The following FLRT1 variants were observed in gnomAD, a reference collection of about 807,000 sequenced individuals.
FLRT1 encodes leucine-rich repeat transmembrane protein FLRT1.
In FLRT1, 14 loss-of-function variants were observed where a neutral mutation model predicts 30.9. That is an observed-to-expected ratio of 0.45 (90% confidence interval 0.30 to 0.71). FLRT1 has a LOEUF of 0.71. Ranked by LOEUF, FLRT1 falls within the 30% of genes least tolerant of loss-of-function variation. FLRT1 has a pLI of 0.08. For synonymous variants in FLRT1, 368 were observed against 430.4 expected, an observed-to-expected ratio of 0.85 and a Z score of 1.80; for missense variants, 737 against 949.2, an observed-to-expected ratio of 0.78 and a Z score of 2.94.
intron 1 of FLRT1, among the ~76,000 whole-genome samples, chr11:64,039,075 G>A (rs968307542): frequency 6.6e-6 from 1 of 152,182 alleles, no homozygotes; most frequent in African/African-American, 2.4e-5. Context: ...GAGGACTGAG[G>A]TGGCCCTCAT....
chr11:64,087,064 G>A (rs1215680657), intron 1 of FLRT1: 1 of 152,202 alleles, frequency 6.6e-6, no homozygotes, highest in Non-Finnish European at 1.5e-5. Context: ...GGATGTGTTT[G>A]TCCTCCCACA....
chr11:64,077,428 T>C (rs557844342), intron 1 of FLRT1, among the ~76,000 whole-genome samples: 1 of 152,148 alleles, frequency 6.6e-6, no homozygotes, highest in African/African-American at 2.4e-5. Context: ...TCCTCGGATT[T>C]TCCCCCCAAG....
chr11:64,066,718 G>A (rs1225648395), intron 1 of FLRT1, among the ~76,000 whole-genome samples: 1 of 151,710 alleles, frequency 6.6e-6, no homozygotes, highest in Non-Finnish European at 1.5e-5. Context: ...AATACGATGA[G>A]AGCCCCCAGG....
At chr11:64,106,288 C>A (rs1381433151) in intron 2 of FLRT1, among the ~76,000 whole-genome samples, 1 of 152,120 alleles carries the variant, frequency 6.6e-6, no homozygotes, top group East Asian at 1.9e-4. Flanking sequence ...CACCCTGGGT[C>A]ACCATGACGT....
At position 64,067,719 on chromosome 11, in the gene FLRT1, C is replaced by G. The variant is rs1261813627; in HGVS notation, c.-1038+31560C>G. On this transcript the variant is annotated intron_variant, in intron 1 of 2. Coordinates refer to ENST00000682287, the MANE Select transcript of FLRT1 (RefSeq NM_013280.5). The surrounding 1 kb of genome is among the most constrained non-coding windows in gnomAD (Gnocchi z 4.6). The stretch of plus-strand genomic sequence containing the variant: ...CTGCAGTGATTGCGGACACGCCCCT[C>G]GCGAGGCACCGCAGGCTGCCACCCC... Among the ~76,000 whole-genome samples, 1 of 152,176 alleles carries G rather than the reference C, an allele frequency of 6.6e-6. No individual in the cohort carries two copies. The highest frequency in any genetic ancestry group is 1.5e-5 in the Non-Finnish European group (1 of 68,032).
At chr11:64,098,959 G>C (rs1944624544) in intron 1 of FLRT1, among the ~76,000 whole-genome samples, 1 of 152,192 alleles carries the variant, frequency 6.6e-6, no homozygotes, top group Admixed American at 6.5e-5. Context: ...TGCTAATATA[G>C]GAATTAATAT....
intron 1 of FLRT1, among the ~76,000 whole-genome samples, chr11:64,051,014 G>A (rs1341662118): frequency 6.6e-6 from 1 of 152,208 alleles, no homozygotes; most frequent in Non-Finnish European, 1.5e-5. Context: ...GACCAGCCTT[G>A]CCCAGGGGGA....
chr11:64,049,966 C>T (rs1228855597), intron 1 of FLRT1, among the ~76,000 whole-genome samples: 2 of 152,216 alleles, frequency 1.3e-5, no homozygotes, highest in Non-Finnish European at 2.9e-5. Flanking sequence ...GCCTAGCGAT[C>T]GCACAGAGCC....
In FLRT1 at chr11:64,036,098, T is replaced by G. The variant is rs966517313; in HGVS notation, c.-1099T>G. 1.6e-4 allele frequency: 24 copies of G among 151,562 alleles called. No homozygotes were observed. Among genetic ancestry groups the G allele is most frequent in the Middle Eastern group, 3.2e-3 (1 of 314 alleles). The allele number at this position is 151,562 out of a possible 1,614,324, so 9.4% of individuals were successfully genotyped here. A position where few individuals can be genotyped will look rare whatever the true frequency, so the allele number is the denominator to read the frequency against. On this transcript the variant is annotated 5_prime_UTR_variant, in exon 1 of 3. The change abolishes the stop of an existing upstream ORF in the 5' untranslated region. Coordinates refer to ENST00000682287, the MANE Select transcript of FLRT1 (RefSeq NM_013280.5). This position sits in a 1 kb window ranked among gnomAD's most constrained non-coding sequence, Gnocchi z 5.6. The stretch of plus-strand genomic sequence containing the variant: ...CCCGCCCGCTCCTTGGAATAACCCC[T>G]GAGGCTCCAGCCGTCACCGCAAAGT...
In FLRT1 at chr11:64,103,829, C is replaced by T. The variant is rs1944712502; in HGVS notation, c.-402C>T. 1 of 152,236 alleles carries T rather than the reference C, an allele frequency of 6.6e-6. No individual in the cohort carries two copies. The highest frequency in any genetic ancestry group is 1.5e-5 in the Non-Finnish European group (1 of 68,056). The allele number at this position is 152,236 out of a possible 1,614,324, so 9.4% of individuals were successfully genotyped here. On this transcript the variant is annotated 5_prime_UTR_variant, in exon 2 of 3. Coordinates refer to ENST00000682287, the MANE Select transcript of FLRT1 (RefSeq NM_013280.5). The stretch of plus-strand genomic sequence containing the variant: ...GGGTCCAGAGGGGTGTCCCTGTACC[C>T]CTTGCACACAGGACCCTCACTCTGC...
In FLRT1 at chr11:64,092,216, ACGT is replaced by A. The variant is rs773485278; in HGVS notation, c.-1037-10976_-1037-10974del. ...AGAGGGCTCTAATTCCTACCCACTAACGTCTCCCCTGTTCTTGTCTTTCTGTCT... is the reference window on the plus strand; with the variant it reads ...AGAGGGCTCTAATTCCTACCCACTAACTCCCCTGTTCTTGTCTTTCTGTCT... On this transcript the variant is annotated intron_variant, in intron 1 of 2. Coordinates refer to ENST00000682287, the MANE Select transcript of FLRT1 (RefSeq NM_013280.5). Among the ~76,000 whole-genome samples, 239 of 152,238 alleles carry A rather than the reference ACGT, an allele frequency of 1.6e-3. 4 individuals are homozygous for A. The highest frequency in any genetic ancestry group is 3.5e-4 in the Non-Finnish European group (24 of 68,048).
At chr11:64,086,025 G>C (rs567574636) in intron 1 of FLRT1, among the ~76,000 whole-genome samples, 1 of 152,116 alleles carries the variant, frequency 6.6e-6, no homozygotes, top group South Asian at 2.1e-4. Context: ...GGGTGGGGGT[G>C]GAGGTGGCCA....
intron 1 of FLRT1, among the ~76,000 whole-genome samples, chr11:64,046,180 T>A (rs1406053170): frequency 3.3e-5 from 5 of 152,190 alleles, no homozygotes; most frequent in Non-Finnish European, 7.3e-5. Flanking sequence ...TCTGGCCTCC[T>A]GAGCCTCTGT....
chr11:64,043,814 CT>C (rs113497225), intron 1 of FLRT1, among the ~76,000 whole-genome samples: 217 of 144,290 alleles, frequency 1.5e-3, no homozygotes, highest in Middle Eastern at 7.2e-3. Flanking sequence ...GACATGGCAT[CT>C]TTTTTTTTTT....
intron 1 of FLRT1, among the ~76,000 whole-genome samples, chr11:64,099,594 G>A (rs947006209): frequency 2.0e-5 from 3 of 151,742 alleles, no homozygotes; most frequent in African/African-American, 7.3e-5. Flanking sequence ...ATGGAGAGAC[G>A]GATGGAAGGA....
intron 1 of FLRT1, among the ~76,000 whole-genome samples, chr11:64,074,542 G>A (rs1386928517): frequency 1.3e-5 from 2 of 152,208 alleles, no homozygotes; most frequent in East Asian, 1.9e-4. Flanking sequence ...AGCAAATAAC[G>A]TGTGGAGAAG....
chr11:64,040,859 G>A, intron 1 of FLRT1, among the ~76,000 whole-genome samples: 1 of 152,088 alleles, frequency 6.6e-6, no homozygotes, highest in East Asian at 1.9e-4. Context: ...CTAGCCACTA[G>A]GGGACACTGC....
Position 64,083,796 on chromosome 11 carries a change from G to T in FLRT1, c.-1037-19398G>T, listed in dbSNP as rs367876891. ...CAGCCCCAAATTCCCAAGGTCAAGG[G>T]GTGAGTCAGCAGGGGTTGGCATCAA... On this transcript the variant is annotated intron_variant, in intron 1 of 2. Transcript: ENST00000682287. Among the ~76,000 whole-genome samples the T allele has an allele frequency of 4.6e-5, 7 of 152,310 alleles. No individual in the cohort carries two copies. The East Asian group carries it at 1.4e-3, about 29-fold the overall frequency.
At chr11:64,113,648 T>C (rs570740631) in intron 2 of FLRT1, among the ~76,000 whole-genome samples, 1 of 108,556 alleles carries the variant, frequency 9.2e-6, no homozygotes, top group Non-Finnish European at 1.9e-5. Context: ...GATGGATGGA[T>C]GGGCAGACAG....
Sources: gnomAD v4.1 joint callset for allele counts (sites outside exome capture counted in the v4.1 genomes callset) on GRCh38, gnomAD v4.1.1 for gene constraint, Gnocchi (gnomAD v3.1) non-coding constraint, MANE v1.5 for transcripts, NCBI Gene and HGNC (gene_info 2026-07-23, HGNC 2026-07-21) for gene names.